The following ANK3 variants were observed in gnomAD, a reference collection of about 807,000 sequenced individuals.
ANK3 encodes ankyrin 3, also known as ankyrin-3.
ANK3 carries 57 observed loss-of-function variants against 370.9 expected under a neutral mutation model. The ratio of observed to expected loss-of-function variants is 0.15; its 90% CI spans 0.12 to 0.19. The LOEUF (loss-of-function observed/expected upper bound fraction) is 0.19, where lower values mean the gene tolerates loss of function less well. ANK3 is among the 10% of genes least tolerant of loss of function. The pLI is 1.00. For missense variants in ANK3, 4,439 were observed against 5,302.1 expected (o/e 0.84, Z 5.06); for synonymous variants, 1,929 against 1,946.3 (o/e 0.99, Z 0.23).
chr10:60,320,419 C>T (rs750630394), intron 1 of ANK3, among the ~76,000 whole-genome samples: 44 of 152,252 alleles, frequency 2.9e-4, no homozygotes, highest in East Asian at 1.2e-3. Context: ...CATGGTGAAA[C>T]GCTGTCTCTA....
At position 60,087,985 on chromosome 10, in the gene ANK3, T is replaced by A. The variant is rs16914747; in HGVS notation, c.3540+162A>T. Among the ~76,000 whole-genome samples, 1,456 of 152,338 alleles carry A rather than the reference T, an allele frequency of 9.6e-3. 22 individuals are homozygous for A. The highest frequency in any genetic ancestry group is 0.034 in the African/African-American group (1,393 of 41,580). On this transcript the variant is annotated intron_variant, in intron 29 of 43. Coordinates refer to ENST00000280772, the MANE Select transcript of ANK3 (RefSeq NM_020987.5). ...TACCTTATTTAACAAGCCAGTAAGC[T>A]AACTTTATACTTGATGCTTTTTATC...
At chr10:60,724,209 CAAA>C (rs398013720) in intron 1 of ANK3, among the ~76,000 whole-genome samples, 2 of 54,618 alleles carry the variant, frequency 3.7e-5, no homozygotes, top group African/African-American at 1.5e-4. Context: ...GACTCCGTCT[CAAA>C]AAAAAAAAAA....
intron 2 of ANK3, among the ~76,000 whole-genome samples, chr10:60,518,667 A>G (rs1021436891): frequency 2.0e-5 from 3 of 152,060 alleles, no homozygotes; most frequent in African/African-American, 7.2e-5. Context: ...CCAACTCCCA[A>G]TCTCACGGCT....
chr10:60,200,342 CT>C, intron 12 of ANK3, 115 bp from the exon 13 acceptor site: 1 of 776,012 alleles, frequency 1.3e-6, no homozygotes. Flanking sequence ...GTCCTAAGCA[CT>C]TCCTTATTGA....
At chr10:60,343,411 G>T (rs1212152401) in intron 1 of ANK3, among the ~76,000 whole-genome samples, 1 of 152,094 alleles carries the variant, frequency 6.6e-6, no homozygotes, top group Non-Finnish European at 1.5e-5. Context: ...GGAATTTAAA[G>T]TTATAAACGT....
At chr10:60,413,093 T>C (rs1051965528) in intron 2 of ANK3, among the ~76,000 whole-genome samples, 2 of 152,218 alleles carry the variant, frequency 1.3e-5, no homozygotes, top group Admixed American at 6.5e-5. Flanking sequence ...AATTATCACC[T>C]TTCTATGACA....
intron 24 of ANK3, among the ~76,000 whole-genome samples, chr10:60,134,966 A>G (rs983628345): frequency 6.6e-6 from 1 of 152,158 alleles, no homozygotes; most frequent in Non-Finnish European, 1.5e-5. Context: ...TTTTCTGCAA[A>G]TATTCTTTCT....
In ANK3 at chr10:60,365,738, T is replaced by C. The variant is rs117988095; in HGVS notation, c.114+23687A>G. ...AGACGGATTATTGTTGTCTCTATCT[T>C]ATACATGAGGAAATTGACTGAGGTT... is the stretch of plus-strand genomic sequence containing the variant. On this transcript the variant is annotated intron_variant, in intron 1 of 43. Transcript: ENST00000280772. Among the ~76,000 whole-genome samples the C allele has an allele frequency of 3.5e-3, 534 of 152,294 alleles. 3 individuals carry two copies. The highest frequency in any genetic ancestry group is 4.2e-3 in the Non-Finnish European group (284 of 68,032).
At chr10:60,669,231 G>A (rs972964255) in intron 1 of ANK3, among the ~76,000 whole-genome samples, 3 of 152,266 alleles carry the variant, frequency 2.0e-5, no homozygotes, top group Non-Finnish European at 2.9e-5. Flanking sequence ...AATCACATTC[G>A]CTTCTGACAA....
chr10:60,397,242 T>A (rs147689741), intron 2 of ANK3, among the ~76,000 whole-genome samples: 35 of 151,230 alleles, frequency 2.3e-4, no homozygotes, highest in African/African-American at 8.0e-4. Context: ...GATGCTATAA[T>A]GAAAATCAGT....
intron 2 of ANK3, among the ~76,000 whole-genome samples, chr10:60,498,634 T>G: frequency 6.6e-6 from 1 of 152,170 alleles, no homozygotes; most frequent in East Asian, 1.9e-4. Context: ...CAAGTGATCC[T>G]CCCATCTTGG....
At chr10:60,412,408 T>C (rs2063578412) in intron 2 of ANK3, among the ~76,000 whole-genome samples, 1 of 152,138 alleles carries the variant, frequency 6.6e-6, no homozygotes, top group South Asian at 2.1e-4. Context: ...CAGATCCACA[T>C]TGGAATCTAC....
chr10:60,492,775 A>G (rs1459603687), intron 2 of ANK3, among the ~76,000 whole-genome samples: 2 of 148,892 alleles, frequency 1.3e-5, no homozygotes, highest in African/African-American at 4.9e-5. Context: ...TTGGGGGAAA[A>G]TAATAAGAAA....
At chr10:60,103,208 C>T (rs1269362255) in intron 28 of ANK3, among the ~76,000 whole-genome samples, 1 of 152,058 alleles carries the variant, frequency 6.6e-6, no homozygotes, top group Non-Finnish European at 1.5e-5. Context: ...CCTCGGCCTC[C>T]CAAAGTGCTG....
chr10:60,441,764 C>T (rs936077611), intron 2 of ANK3, among the ~76,000 whole-genome samples: 3 of 152,118 alleles, frequency 2.0e-5, no homozygotes, highest in Non-Finnish European at 2.9e-5. Flanking sequence ...CACCAGACAC[C>T]TAGATTTTTA....
Position 60,053,869 on chromosome 10 carries a change from C to G in ANK3, c.13065+1789G>C, listed in dbSNP as rs75049062. ...TTTTCTTGTGAGGTCAGGTTCATGT[C>G]TCCTAGAAGCTTTAACTCCATTATG... On this transcript the variant is annotated intron_variant, in intron 42 of 43. Coordinates refer to ENST00000280772, the MANE Select transcript of ANK3 (RefSeq NM_020987.5). 5.7e-3 allele frequency: 2,610 copies of G among 461,286 alleles called. 63 individuals are homozygous for G. The highest frequency in any genetic ancestry group is 0.052 in the African/African-American group (2,472 of 47,726). 28.6% of individuals were successfully genotyped at this position (461,286 alleles called of 1,614,324 possible).
chr10:60,545,899 A>G (rs1485998788), intron 2 of ANK3, among the ~76,000 whole-genome samples: 1 of 152,240 alleles, frequency 6.6e-6, no homozygotes, highest in Non-Finnish European at 1.5e-5. Context: ...AGTTTTCAGA[A>G]GGAGGCCTCA....
chr10:60,293,737 G>A (rs1041563492), intron 1 of ANK3, among the ~76,000 whole-genome samples: 2 of 152,124 alleles, frequency 1.3e-5, no homozygotes, highest in Admixed American at 6.6e-5. Flanking sequence ...GGCAGTCTGC[G>A]GAGATCCTTG....
chr10:60,524,733 A>G (rs574374392), intron 2 of ANK3, among the ~76,000 whole-genome samples: 1 of 152,126 alleles, frequency 6.6e-6, no homozygotes, highest in Non-Finnish European at 1.5e-5. Flanking sequence ...CTAAAACCAC[A>G]TGTTTCATCA....
Sources: allele counts gnomAD v4.1 joint callset (sites outside exome capture counted in the v4.1 genomes callset), GRCh38; gene constraint gnomAD v4.1.1; transcripts MANE v1.5; gene names NCBI Gene and HGNC (gene_info 2026-07-23, HGNC 2026-07-21).